Variants in PSD3 observed in about 807,000 individuals in gnomAD.
The protein encoded by PSD3 is PH and SEC7 domain-containing protein 3.
A neutral mutation model predicts 105.5 loss-of-function variants in PSD3; 49 were observed. The ratio of observed to expected loss-of-function variants is 0.46; its 90% CI spans 0.37 to 0.59. The LOEUF (loss-of-function observed/expected upper bound fraction) is 0.59. PSD3 is among the 20% of genes least tolerant of loss of function. The probability of loss-of-function intolerance (pLI) is 0.00; values close to 1 mark genes in which losing one functional copy is unlikely to be tolerated. For synonymous variants in PSD3, 557 were observed against 457.8 expected, an observed-to-expected ratio of 1.22 and a Z score of -2.77; for missense variants, 1,561 against 1,263.8, an observed-to-expected ratio of 1.24 and a Z score of -3.57.
At chr8:19,050,888 G>T (rs560474302) in intron 1 of PSD3, among the ~76,000 whole-genome samples, 1 of 152,130 alleles carries the variant, frequency 6.6e-6, no homozygotes, top group East Asian at 1.9e-4. Context: ...AAAACCTCCC[G>T]TGAGCCAGGA....
At chr8:18,765,823 T>C (rs1306974368) in intron 8 of PSD3, among the ~76,000 whole-genome samples, 1 of 151,810 alleles carries the variant, frequency 6.6e-6, no homozygotes. Flanking sequence ...AAAGAATTAG[T>C]TTGGCATGGT....
chr8:18,823,098 GAA>G (rs11327176), intron 4 of PSD3, among the ~76,000 whole-genome samples: 2,377 of 139,268 alleles, frequency 0.017, 51 homozygotes, highest in East Asian at 0.11. Context: ...GGAGAGACAG[GAA>G]AAAAAAAAAA....
chr8:18,765,326 T>A, intron 9 of PSD3, 123 bp downstream of exon 9: 1 of 792,552 alleles, frequency 1.3e-6, no homozygotes, highest in Non-Finnish European at 2.1e-6. Context: ...AAAAGAAACA[T>A]CACCAATAAA....
At chr8:18,838,670 G>A (rs923127267) in intron 4 of PSD3, among the ~76,000 whole-genome samples, 6 of 151,598 alleles carry the variant, frequency 4.0e-5, no homozygotes, top group South Asian at 2.1e-4. Context: ...GCGTGGTGGC[G>A]GGCACCTGTA....
At chr8:18,700,864 G>A (rs1801536893) in intron 9 of PSD3, among the ~76,000 whole-genome samples, 1 of 152,172 alleles carries the variant, frequency 6.6e-6, no homozygotes, top group Non-Finnish European at 1.5e-5. Context: ...CCTTGGAAGA[G>A]TCACTTTACA....
intron 11 of PSD3, among the ~76,000 whole-genome samples, chr8:18,601,478 C>G (rs942906012): frequency 2.0e-5 from 3 of 152,142 alleles, no homozygotes; most frequent in African/African-American, 7.2e-5. Flanking sequence ...CTTTAAATCT[C>G]TTTTGACTGA....
chr8:18,659,254 GC>G (rs1809138851), intron 9 of PSD3, among the ~76,000 whole-genome samples: 1 of 152,140 alleles, frequency 6.6e-6, no homozygotes, highest in Admixed American at 6.5e-5. Context: ...ACAAATTAAT[GC>G]CATTGAATAT....
chr8:19,030,768 A>C (rs1400586659), intron 1 of PSD3, among the ~76,000 whole-genome samples: 1 of 152,018 alleles, frequency 6.6e-6, no homozygotes, highest in Non-Finnish European at 1.5e-5. Context: ...TTAATTTCTA[A>C]CCTTCTACCA....
intron 1 of PSD3, among the ~76,000 whole-genome samples, chr8:19,031,695 C>A (rs901315407): frequency 6.6e-6 from 1 of 152,152 alleles, no homozygotes; most frequent in African/African-American, 2.4e-5. Flanking sequence ...CATAGTGCTG[C>A]TGGGTGCTAC....
At chr8:18,879,049 CAA>C (rs58989468) in intron 2 of PSD3, among the ~76,000 whole-genome samples, 18,258 of 134,894 alleles carry the variant, frequency 0.14, 1,179 homozygotes, top group South Asian at 0.2. Context: ...CACACACACA[CAA>C]ACACACACAC....
intron 3 of PSD3, among the ~76,000 whole-genome samples, chr8:18,868,881 T>C (rs1356059606): frequency 6.6e-6 from 1 of 152,226 alleles, no homozygotes; most frequent in East Asian, 1.9e-4. Flanking sequence ...TTTGGCTGTC[T>C]CAATTACTAG....
intron 9 of PSD3, among the ~76,000 whole-genome samples, chr8:18,732,144 T>A (rs556905861): frequency 6.6e-6 from 1 of 151,048 alleles, no homozygotes; most frequent in East Asian, 2.0e-4. Flanking sequence ...AGGACAAATA[T>A]AAAGCTGGTA....
intron 1 of PSD3, among the ~76,000 whole-genome samples, chr8:19,076,642 T>C (rs1167519709): frequency 2.6e-5 from 4 of 152,238 alleles, no homozygotes; most frequent in Non-Finnish European, 4.4e-5. Flanking sequence ...ACAGTGAATA[T>C]GAAATGCTCA....
chr8:18,572,294 T>C (rs1232803853), intron 14 of PSD3, among the ~76,000 whole-genome samples: 1 of 152,146 alleles, frequency 6.6e-6, no homozygotes, highest in Non-Finnish European at 1.5e-5. Context: ...ATATAAACCT[T>C]AGAAACTGAA....
At chr8:18,797,624 T>C (rs1026252719) in intron 8 of PSD3, among the ~76,000 whole-genome samples, 5 of 152,202 alleles carry the variant, frequency 3.3e-5, no homozygotes, top group African/African-American at 1.2e-4. Flanking sequence ...TTTCAAGTTC[T>C]TATGATTCAG....
chr8:18,713,619 A>G (rs1176818631), intron 9 of PSD3, among the ~76,000 whole-genome samples: 2 of 152,200 alleles, frequency 1.3e-5, no homozygotes, highest in Admixed American at 6.5e-5. Context: ...ACCTCTGCCC[A>G]AGGAAATCAG....
intron 8 of PSD3, among the ~76,000 whole-genome samples, chr8:18,776,593 G>C (rs1356488195): frequency 6.6e-6 from 1 of 151,958 alleles, no homozygotes; most frequent in East Asian, 1.9e-4. Flanking sequence ...GGCCAGGCTG[G>C]TCTCGAACTT....
At chr8:19,050,308 C>CCG (rs2129477114) in intron 1 of PSD3, among the ~76,000 whole-genome samples, 1 of 56,324 alleles carries the variant, frequency 1.8e-5, no homozygotes, top group East Asian at 2.6e-4. Context: ...ATGCCCATAT[C>CCG]CCCGCCTGTC....
chr8:18,617,768 G>A (rs1010097691), intron 11 of PSD3, among the ~76,000 whole-genome samples: 25 of 152,044 alleles, frequency 1.6e-4, no homozygotes, highest in African/African-American at 4.6e-4. Flanking sequence ...TGGAGATCCC[G>A]ACACTGACAA....
Sources: allele counts gnomAD v4.1 joint callset (sites outside exome capture counted in the v4.1 genomes callset), GRCh38; gene constraint gnomAD v4.1.1; transcripts MANE v1.5; gene names NCBI Gene and HGNC (gene_info 2026-07-23, HGNC 2026-07-21).